UNC5C: variants seen among roughly 807,000 people sequenced by gnomAD.
UNC5C encodes the protein netrin receptor UNC5C.
Under a neutral mutation model 99.8 loss-of-function variants are expected in UNC5C, and 47 were observed. The ratio of observed to expected loss-of-function variants is 0.47; its 90% CI spans 0.37 to 0.60. UNC5C has a LOEUF of 0.60. UNC5C is among the 20% of genes least tolerant of loss of function. UNC5C has a pLI of 0.00. For synonymous variants in UNC5C, 487 were observed against 452.2 expected, an observed-to-expected ratio of 1.08 and a Z score of -0.98; for missense variants, 1,062 against 1,165.9, an observed-to-expected ratio of 0.91 and a Z score of 1.30.
At chr4:95,375,586 A>G (rs1420556785) in intron 1 of UNC5C, among the ~76,000 whole-genome samples, 1 of 152,190 alleles carries the variant, frequency 6.6e-6, no homozygotes, top group Non-Finnish European at 1.5e-5. Flanking sequence ...GACATTTAAC[A>G]CTCATTCTTA....
intron 4 of UNC5C, among the ~76,000 whole-genome samples, chr4:95,252,707 G>A (rs919416527): frequency 4.6e-5 from 7 of 152,120 alleles, no homozygotes; most frequent in Admixed American, 6.5e-5. Context: ...GAGCACCAAC[G>A]TGACACCACA....
intron 2 of UNC5C, among the ~76,000 whole-genome samples, chr4:95,310,355 G>A (rs1742233080): frequency 6.6e-6 from 1 of 152,070 alleles, no homozygotes; most frequent in Admixed American, 6.5e-5. Flanking sequence ...GGGAGAGTAA[G>A]TTCAAGAGAT....
intron 1 of UNC5C, among the ~76,000 whole-genome samples, chr4:95,461,663 A>G (rs1297125234): frequency 3.3e-5 from 5 of 152,178 alleles, no homozygotes; most frequent in Non-Finnish European, 4.4e-5. Flanking sequence ...AATAACAACA[A>G]TGACAACCCT....
At chr4:95,472,886 C>T (rs265059) in intron 1 of UNC5C, among the ~76,000 whole-genome samples, 6,917 of 149,830 alleles carry the variant, frequency 0.046, 229 homozygotes, top group Admixed American at 0.12. Flanking sequence ...ATATTTGGCC[C>T]GTTCTATTGT....
In UNC5C at chr4:95,275,651, T is replaced by C. The variant is rs544688846; in HGVS notation, c.594+2608A>G. ...TTAGAAATGCCTATGCCATTATTTG[T>C]AGCCAAAGTGGTATATCAAAACTAA... On this transcript the variant is annotated intron_variant, in intron 4 of 15. Transcript: ENST00000453304. 1.2e-4 allele frequency among the ~76,000 whole-genome samples: 18 copies of C among 152,342 alleles called. No individual in the cohort carries two copies. The South Asian group carries it at 3.7e-3, about 32-fold the overall frequency.
chr4:95,472,888 T>G (rs1316558632), intron 1 of UNC5C, among the ~76,000 whole-genome samples: 1 of 149,488 alleles, frequency 6.7e-6, no homozygotes, highest in East Asian at 2.0e-4. Flanking sequence ...ATTTGGCCCG[T>G]TCTATTGTTG....
At chr4:95,341,476 AAG>A (rs890029236) in intron 1 of UNC5C, among the ~76,000 whole-genome samples, 1 of 147,836 alleles carries the variant, frequency 6.8e-6, no homozygotes, top group Non-Finnish European at 1.5e-5. Context: ...AGAAAGAAGA[AAG>A]AGAGAGAAAG....
intron 1 of UNC5C, among the ~76,000 whole-genome samples, chr4:95,515,009 G>C (rs1472830688): frequency 6.6e-6 from 1 of 152,000 alleles, no homozygotes; most frequent in Non-Finnish European, 1.5e-5. Flanking sequence ...TATATTCCTT[G>C]ATATTTCTCC....
chr4:95,547,072 C>T (rs1723089013), intron 1 of UNC5C, among the ~76,000 whole-genome samples: 4 of 151,962 alleles, frequency 2.6e-5, no homozygotes, highest in Non-Finnish European at 5.9e-5. Flanking sequence ...CCCCTCTAAG[C>T]ACCCTTGGCT....
chr4:95,242,788 G>A (rs950760573), intron 6 of UNC5C, among the ~76,000 whole-genome samples, 195 bp from the exon 7 acceptor site: 2 of 152,204 alleles, frequency 1.3e-5, no homozygotes, highest in South Asian at 2.1e-4. Context: ...TATAGAGTGT[G>A]TGAGTGCTTT....
intron 1 of UNC5C, among the ~76,000 whole-genome samples, chr4:95,415,544 G>T (rs1043610632): frequency 4.6e-5 from 7 of 152,076 alleles, no homozygotes; most frequent in African/African-American, 1.7e-4. Context: ...ATTTATTGAG[G>T]GTTGTTTATG....
chr4:95,402,618 T>C (rs762328586), intron 1 of UNC5C, among the ~76,000 whole-genome samples: 1 of 152,116 alleles, frequency 6.6e-6, no homozygotes, highest in Non-Finnish European at 1.5e-5. Flanking sequence ...ACACATATAA[T>C]ATAAAGAAAA....
At chr4:95,380,490 G>T (rs1432846447) in intron 1 of UNC5C, among the ~76,000 whole-genome samples, 2 of 146,470 alleles carry the variant, frequency 1.4e-5, no homozygotes, top group Non-Finnish European at 3.0e-5. Context: ...GTGTTGCCCA[G>T]GCTGGTCTCG....
intron 4 of UNC5C, among the ~76,000 whole-genome samples, chr4:95,254,735 T>C (rs1739890956): frequency 6.6e-6 from 1 of 152,218 alleles, no homozygotes; most frequent in African/African-American, 2.4e-5. Flanking sequence ...AACTCCTCCA[T>C]AAACTTAGTT....
chr4:95,457,967 G>A (rs971067120), intron 1 of UNC5C, among the ~76,000 whole-genome samples: 3 of 152,090 alleles, frequency 2.0e-5, no homozygotes, highest in African/African-American at 4.8e-5. Flanking sequence ...AGAACTCTGA[G>A]AAATGTGAAC....
intron 14 of UNC5C, among the ~76,000 whole-genome samples, chr4:95,175,310 C>A (rs955350947): frequency 9.3e-5 from 14 of 150,978 alleles, no homozygotes; most frequent in African/African-American, 2.9e-4. Context: ...TTATTTTGCT[C>A]GTTAGTTGAT....
intron 1 of UNC5C, among the ~76,000 whole-genome samples, chr4:95,535,757 G>A (rs1362997968): frequency 6.6e-6 from 1 of 151,976 alleles, no homozygotes; most frequent in African/African-American, 2.4e-5. Context: ...TTTTTTCAAA[G>A]TAATTTGATT....
intron 1 of UNC5C, among the ~76,000 whole-genome samples, chr4:95,475,584 T>G (rs919244787): frequency 6.6e-6 from 1 of 151,998 alleles, no homozygotes; most frequent in African/African-American, 2.4e-5. Context: ...AGATATATAT[T>G]CAAAATATAA....
At chr4:95,235,744 C>CT (rs778009512) in intron 7 of UNC5C, among the ~76,000 whole-genome samples, 29 of 152,292 alleles carry the variant, frequency 1.9e-4, no homozygotes, top group Non-Finnish European at 3.5e-4. Flanking sequence ...ATCGGGAATC[C>CT]TTTCCCCGTT....
Sources: gnomAD v4.1 joint callset for allele counts (sites outside exome capture counted in the v4.1 genomes callset) on GRCh38, gnomAD v4.1.1 for gene constraint, MANE v1.5 for transcripts, NCBI Gene and HGNC (gene_info 2026-07-23, HGNC 2026-07-21) for gene names.